Variants in METTL15 observed in about 807,000 individuals in gnomAD.
The protein encoded by METTL15 is methyltransferase 15, mitochondrial 12S rRNA N4-cytidine.
METTL15 carries 34 observed loss-of-function variants against 38.3 expected under a neutral mutation model. The observed-to-expected ratio is 0.89, with a 90% CI of 0.68 to 1.18. METTL15 has a LOEUF of 1.18. METTL15 is among the 50% of genes most tolerant of loss of function. The pLI is 0.00. For synonymous variants in METTL15, 162 were observed against 170.9 expected, an observed-to-expected ratio of 0.95 and a Z score of 0.41; for missense variants, 438 against 498.4, an observed-to-expected ratio of 0.88 and a Z score of 1.15.
At chr11:28,411,001 G>T (rs1057089372) in intron 5 of METTL15, among the ~76,000 whole-genome samples, 1 of 151,648 alleles carries the variant, frequency 6.6e-6, no homozygotes, top group South Asian at 2.1e-4. Context: ...TTTAAATTCC[G>T]TTTACAATAG....
chr11:28,335,140 G>C (rs558689787), downstream of METTL15, among the ~76,000 whole-genome samples: 3 of 152,062 alleles, frequency 2.0e-5, no homozygotes, highest in Admixed American at 2.0e-4. Flanking sequence ...TTTATGCTTT[G>C]AGCAATAACA....
intron 6 of METTL15, among the ~76,000 whole-genome samples, chr11:28,305,313 CTAAT>C (rs1159205122): frequency 2.0e-5 from 3 of 152,102 alleles, no homozygotes; most frequent in Admixed American, 6.5e-5. Flanking sequence ...TCGCAACTGA[CTAAT>C]TAGCCCAACC....
At chr11:28,488,855 A>G (rs1409781806) in intron 6 of METTL15, among the ~76,000 whole-genome samples, 4 of 151,818 alleles carry the variant, frequency 2.6e-5, no homozygotes, top group Non-Finnish European at 5.9e-5. Context: ...CTGAATCCCA[A>G]CTCTAATCCT....
rs1851723362 is a variant in METTL15 at position 28,111,632 on chromosome 11, G to T, written c.-18+1231G>T. 2.0e-5 allele frequency among the ~76,000 whole-genome samples: 3 copies of T among 152,184 alleles called. No individual in the cohort carries two copies. In the South Asian group the frequency reaches 6.2e-4, roughly 31 times the overall value. The stretch of plus-strand genomic sequence containing the variant: ...TGAGTTCAGGCTCTGGGGGTAGACT[G>T]TGTTACAATTTTAGCTTTACGGCTC... On this transcript the variant is annotated intron_variant, in intron 2 of 6. Coordinates refer to ENST00000407364, the MANE Select transcript of METTL15 (RefSeq NM_001113528.2).
At chr11:28,324,026 G>A (rs556149849) in intron 6 of METTL15, among the ~76,000 whole-genome samples, 11 of 152,220 alleles carry the variant, frequency 7.2e-5, no homozygotes, top group Admixed American at 5.9e-4. Flanking sequence ...TTTAGTGCAC[G>A]CTTACTTTTA....
At chr11:28,201,446 A>G (rs1852108457) in intron 3 of METTL15, among the ~76,000 whole-genome samples, 1 of 152,172 alleles carries the variant, frequency 6.6e-6, no homozygotes, top group Non-Finnish European at 1.5e-5. Flanking sequence ...TAATAGTTTC[A>G]GAAGGAATGG....
chr11:28,253,786 A>G (rs1162552877), intron 4 of METTL15, among the ~76,000 whole-genome samples: 3 of 152,076 alleles, frequency 2.0e-5, no homozygotes, highest in African/African-American at 7.2e-5. Flanking sequence ...AGTTCCATTC[A>G]TGGTATTGCA....
intron 3 of METTL15, among the ~76,000 whole-genome samples, chr11:28,120,985 G>T (rs1440108251): frequency 6.6e-6 from 1 of 151,856 alleles, no homozygotes; most frequent in Non-Finnish European, 1.5e-5. Flanking sequence ...AGGGTAAATG[G>T]GTCATCTGTC....
intron 4 of METTL15, among the ~76,000 whole-genome samples, chr11:28,254,633 T>C (rs1413835485): frequency 6.6e-6 from 1 of 152,204 alleles, no homozygotes; most frequent in African/African-American, 2.4e-5. Context: ...GGTTTAAGTC[T>C]TTAATTCATT....
intron 6 of METTL15, among the ~76,000 whole-genome samples, chr11:28,429,524 C>T (rs758989469): frequency 0.026 from 3,140 of 121,500 alleles, 67 homozygotes; most frequent in Middle Eastern, 0.1. Flanking sequence ...CGCGCCGCCA[C>T]GCCTGACTGG....
chr11:28,458,688 C>G (rs999229957), intron 6 of METTL15, among the ~76,000 whole-genome samples: 13 of 152,182 alleles, frequency 8.5e-5, no homozygotes, highest in Non-Finnish European at 1.6e-4. Context: ...AGGTGATTGC[C>G]TATACTACTT....
At chr11:28,390,132 T>G (rs1190417712) in intron 5 of METTL15, among the ~76,000 whole-genome samples, 2 of 152,146 alleles carry the variant, frequency 1.3e-5, no homozygotes, top group Non-Finnish European at 2.9e-5. Flanking sequence ...ATATTAGCCC[T>G]TTGTCAGATG....
chr11:28,495,759 G>A (rs1851530633), intron 6 of METTL15, among the ~76,000 whole-genome samples: 1 of 150,198 alleles, frequency 6.7e-6, no homozygotes, highest in Non-Finnish European at 1.5e-5. Flanking sequence ...CCTCAAACCA[G>A]AATCTCTGCT....
chr11:28,141,835 CT>C (rs1402805539), intron 3 of METTL15, among the ~76,000 whole-genome samples: 1 of 152,174 alleles, frequency 6.6e-6, no homozygotes, highest in Admixed American at 6.5e-5. Context: ...TAATTCTAAC[CT>C]TGTGGCCTTT....
intron 2 of METTL15, among the ~76,000 whole-genome samples, chr11:28,110,748 G>T (rs2133582482): frequency 6.6e-6 from 1 of 152,254 alleles, no homozygotes; most frequent in East Asian, 1.9e-4. Flanking sequence ...GATTATAATT[G>T]TTAGAGCCCT....
chr11:28,291,633 G>C (rs187247466), intron 5 of METTL15, among the ~76,000 whole-genome samples: 1 of 151,792 alleles, frequency 6.6e-6, no homozygotes, highest in East Asian at 1.9e-4. Context: ...ACATGTTGTT[G>C]GTATTCACAG....
intron 4 of METTL15, among the ~76,000 whole-genome samples, chr11:28,282,190 A>G (rs1856081473): frequency 6.6e-6 from 1 of 152,064 alleles, no homozygotes; most frequent in Non-Finnish European, 1.5e-5. Context: ...TCATGTATTC[A>G]CCTTTGACAG....
chr11:28,369,012 A>G (rs1005080827), intron 5 of METTL15, among the ~76,000 whole-genome samples: 1 of 151,902 alleles, frequency 6.6e-6, no homozygotes, highest in African/African-American at 2.4e-5. Flanking sequence ...GAGGGTGGGG[A>G]GCTAGGGGAG....
intron 6 of METTL15, among the ~76,000 whole-genome samples, chr11:28,318,331 A>T (rs1238385180): frequency 2.0e-5 from 3 of 152,108 alleles, no homozygotes; most frequent in Non-Finnish European, 4.4e-5. Flanking sequence ...GGAGGTTGGT[A>T]GACAAGTAGT....
Sources: gnomAD v4.1 joint callset for allele counts (sites outside exome capture counted in the v4.1 genomes callset) on GRCh38, gnomAD v4.1.1 for gene constraint, MANE v1.5 for transcripts, NCBI Gene and HGNC (gene_info 2026-07-23, HGNC 2026-07-21) for gene names.